LRP1B: variants seen among roughly 807,000 people sequenced by gnomAD.
LRP1B encodes the protein LDL receptor related protein 1B.
LRP1B carries 217 observed loss-of-function variants against 556.6 expected under a neutral mutation model. That is an observed-to-expected ratio of 0.39 (90% CI 0.35 to 0.44). The LOEUF (loss-of-function observed/expected upper bound fraction) is 0.44. Ranked by LOEUF, LRP1B falls within the 20% of genes least tolerant of loss-of-function variation. The pLI is 1.00. For missense variants in LRP1B, 5,053 were observed against 5,620.8 expected, an observed-to-expected ratio of 0.90 and a Z score of 3.23; for synonymous variants, 2,047 against 1,865.8, an observed-to-expected ratio of 1.10 and a Z score of -2.50.
At chr2:141,353,686 G>A (rs1688524138) in intron 3 of LRP1B, among the ~76,000 whole-genome samples, 1 of 151,818 alleles carries the variant, frequency 6.6e-6, no homozygotes, top group Non-Finnish European at 1.5e-5. Flanking sequence ...GGACATACAA[G>A]TTTTTGTTTA....
intron 35 of LRP1B, among the ~76,000 whole-genome samples, chr2:140,765,743 C>G (rs1343635922): frequency 6.6e-6 from 1 of 152,080 alleles, no homozygotes; most frequent in Non-Finnish European, 1.5e-5. Flanking sequence ...AGATTCAGAT[C>G]TGTTAATTCT....
intron 1 of LRP1B, among the ~76,000 whole-genome samples, chr2:141,839,469 A>G (rs923559713): frequency 5.9e-5 from 9 of 152,222 alleles, no homozygotes; most frequent in Non-Finnish European, 1.0e-4. Context: ...AAATTAATTT[A>G]GATTAAAATT....
intron 17 of LRP1B, among the ~76,000 whole-genome samples, chr2:140,989,269 T>C (rs1697018103): frequency 6.6e-6 from 1 of 152,094 alleles, no homozygotes; most frequent in African/African-American, 2.4e-5. Flanking sequence ...GGGACAAGTC[T>C]TGTACAAGTA....
At chr2:141,830,147 T>G (rs1414991399) in intron 1 of LRP1B, among the ~76,000 whole-genome samples, 4 of 151,988 alleles carry the variant, frequency 2.6e-5, no homozygotes, top group Non-Finnish European at 4.4e-5. Flanking sequence ...GATATCATAG[T>G]AAGTGCTCCT....
chr2:140,321,154 T>C (rs1680097641), intron 82 of LRP1B, among the ~76,000 whole-genome samples: 1 of 152,136 alleles, frequency 6.6e-6, no homozygotes, highest in South Asian at 2.1e-4. Flanking sequence ...ATGTCTTGAA[T>C]ATGAGGTAAC....
At chr2:140,592,766 C>T (rs911309430) in intron 43 of LRP1B, among the ~76,000 whole-genome samples, 1 of 151,688 alleles carries the variant, frequency 6.6e-6, no homozygotes, top group Non-Finnish European at 1.5e-5. Flanking sequence ...ATAGAGAGAC[C>T]CCCATCACTA....
chr2:141,963,376 A>G (rs1269216458), intron 1 of LRP1B, among the ~76,000 whole-genome samples: 2 of 151,910 alleles, frequency 1.3e-5, no homozygotes, highest in Admixed American at 1.3e-4. Flanking sequence ...CATTTATAGT[A>G]AGACAAGATG....
At chr2:141,832,944 C>T (rs1003359188) in intron 1 of LRP1B, among the ~76,000 whole-genome samples, 4 of 151,638 alleles carry the variant, frequency 2.6e-5, no homozygotes, top group Non-Finnish European at 4.4e-5. Flanking sequence ...CAAAGTTCTA[C>T]CTCAAATTCT....
intron 3 of LRP1B, among the ~76,000 whole-genome samples, chr2:141,337,166 A>G (rs1005063425): frequency 2.0e-5 from 3 of 152,192 alleles, no homozygotes; most frequent in African/African-American, 4.8e-5. Context: ...CCAACAAAAG[A>G]TGAGTTTCAA....
Position 140,925,409 on chromosome 2 carries a change from T to G in LRP1B, c.3137-2262A>C, listed in dbSNP as rs188642959. ...CCAATCAGCTCTGTGCATCACTCTA[T>G]GGTGAAGAGCCCAGCTTCCATGCAG... On this transcript the variant is annotated intron_variant, in intron 20 of 90. Coordinates refer to ENST00000389484, the MANE Select transcript of LRP1B (RefSeq NM_018557.3). 1.6e-4 allele frequency among the ~76,000 whole-genome samples: 25 copies of G among 152,264 alleles called. 1 individual carries two copies. In the East Asian group the frequency reaches 4.4e-3, roughly 27 times the overall value.
intron 84 of LRP1B, among the ~76,000 whole-genome samples, chr2:140,276,511 C>T (rs1287354776): frequency 1.3e-5 from 2 of 151,590 alleles, no homozygotes; most frequent in Non-Finnish European, 2.9e-5. Context: ...ATATACACAA[C>T]ACAAATGCTG....
intron 2 of LRP1B, among the ~76,000 whole-genome samples, chr2:141,684,403 T>C (rs1316507699): frequency 4.6e-5 from 7 of 151,624 alleles, no homozygotes; most frequent in African/African-American, 1.7e-4. Context: ...AGTTGAACAA[T>C]GAGAACACAT....
chr2:141,751,961 A>T (rs1056462165), intron 2 of LRP1B, among the ~76,000 whole-genome samples: 1 of 151,642 alleles, frequency 6.6e-6, no homozygotes, highest in African/African-American at 2.4e-5. Context: ...CAACATTTTC[A>T]AACACCACAA....
At chr2:142,089,265 G>C (rs1340333111) in intron 1 of LRP1B, among the ~76,000 whole-genome samples, 2 of 152,104 alleles carry the variant, frequency 1.3e-5, no homozygotes, top group African/African-American at 4.8e-5. Context: ...GATAGATACT[G>C]TAGAACATAC....
At chr2:141,544,339 TC>T (rs374429980) in intron 2 of LRP1B, among the ~76,000 whole-genome samples, 857 of 76,896 alleles carry the variant, frequency 0.011, 5 homozygotes, top group East Asian at 0.022. Context: ...TTCTTCTTCT[TC>T]TTCTTCTTCT....
chr2:141,594,014 A>G (rs1239935758), intron 2 of LRP1B, among the ~76,000 whole-genome samples: 1 of 151,850 alleles, frequency 6.6e-6, no homozygotes, highest in Non-Finnish European at 1.5e-5. Context: ...ATATTTATAT[A>G]CCCTTTCCTA....
At chr2:140,660,881 T>G (rs1195898745) in intron 41 of LRP1B, among the ~76,000 whole-genome samples, 1 of 151,742 alleles carries the variant, frequency 6.6e-6, no homozygotes, top group Non-Finnish European at 1.5e-5. Flanking sequence ...GTTTTTTTTT[T>G]TTTTAAACTC....
At position 141,117,482 on chromosome 2, in the gene LRP1B, A is replaced by T. The variant is rs547153442; in HGVS notation, c.1014-55209T>A. Among the ~76,000 whole-genome samples the T allele has an allele frequency of 2.8e-4, 42 of 152,122 alleles. No homozygotes were observed. In the East Asian group the frequency reaches 3.3e-3, roughly 12 times the overall value. The stretch of plus-strand genomic sequence containing the variant: ...AAGTGGAGAAAATGAAAAATAAGAA[A>T]GCAATTACACAAAAATTAGAAGGTT... On this transcript the variant is annotated intron_variant, in intron 7 of 90. Coordinates refer to ENST00000389484, the MANE Select transcript of LRP1B (RefSeq NM_018557.3).
At chr2:141,479,688 C>T (rs776663859) in intron 3 of LRP1B, among the ~76,000 whole-genome samples, 13 of 152,144 alleles carry the variant, frequency 8.5e-5, no homozygotes, top group African/African-American at 1.2e-4. Flanking sequence ...GCTTCCAAAT[C>T]TGGGTCCTTA....
Sources: allele counts gnomAD v4.1 joint callset (sites outside exome capture counted in the v4.1 genomes callset), GRCh38; gene constraint gnomAD v4.1.1; transcripts MANE v1.5; gene names NCBI Gene and HGNC (gene_info 2026-07-23, HGNC 2026-07-21).